The following CARM1 variants were observed in gnomAD, a reference collection of about 807,000 sequenced individuals.
The protein encoded by CARM1 is histone-arginine methyltransferase CARM1.
Under a neutral mutation model 72.7 loss-of-function variants are expected in CARM1, and 14 were observed. The ratio of observed to expected loss-of-function variants is 0.19; its 90% CI spans 0.13 to 0.30. The LOEUF (loss-of-function observed/expected upper bound fraction) is 0.30. Among genes scored for constraint, CARM1 ranks in the 10% least tolerant of loss-of-function variants. The pLI, the probability that CARM1 is intolerant of heterozygous loss-of-function variation, is 1.00. For missense variants in CARM1, 432 were observed against 833.7 expected, an observed-to-expected ratio of 0.52 and a Z score of 5.93; for synonymous variants, 333 against 345.5, an observed-to-expected ratio of 0.96 and a Z score of 0.40.
chr19:10,920,636 C>T lies in CARM1; in HGVS notation c.1335-23C>T. The T allele has an allele frequency of 6.2e-7, 1 of 1,614,118 alleles. No homozygotes were observed. Among genetic ancestry groups the T allele is most frequent in the Non-Finnish European group, 8.5e-7 (1 of 1,179,994 alleles). On this transcript the variant is annotated intron_variant, in intron 11 of 15. Transcript: ENST00000327064. The surrounding 1 kb of genome is among the most constrained non-coding windows in gnomAD (Gnocchi z 5.3). ...GGTCCATCTGCCCAGCAGCTCATGC[C>T]ACGGCCTGCACCCTGTCCGCAGACA...
chr19:10,903,011 G>T (rs1217173957), intron 1 of CARM1, among the ~76,000 whole-genome samples: 1 of 152,042 alleles, frequency 6.6e-6, no homozygotes, highest in Non-Finnish European at 1.5e-5. Context: ...TTAGGTCATT[G>T]CTCCATTTGA....
chr19:10,881,516 C>G (rs370174889), intron 1 of CARM1, among the ~76,000 whole-genome samples: 1 of 152,118 alleles, frequency 6.6e-6, no homozygotes, highest in African/African-American at 2.4e-5. Context: ...GCAGCAAGGT[C>G]AGATGCCGTG....
chr19:10,908,607 T>C (rs2074122066), intron 3 of CARM1: 1 of 194,432 alleles, frequency 5.1e-6, no homozygotes, highest in South Asian at 8.4e-5. Context: ...CACAGCTATA[T>C]GCAACAGAGC....
intron 6 of CARM1, among the ~76,000 whole-genome samples, chr19:10,914,342 T>A (rs1208906765): frequency 6.6e-6 from 1 of 152,206 alleles, no homozygotes; most frequent in Non-Finnish European, 1.5e-5. Context: ...GGACAGCCTC[T>A]GGCTGGGAGT....
In CARM1 at chr19:10,920,819, C is replaced by T. The variant is rs750138924; in HGVS notation, c.1425-15C>T. On this transcript the variant is annotated splice_polypyrimidine_tract_variant and intron_variant, in intron 12 of 15. Coordinates refer to ENST00000327064, the MANE Select transcript of CARM1 (RefSeq NM_199141.2). This position sits in a 1 kb window ranked among gnomAD's most constrained non-coding sequence, Gnocchi z 5.3. The stretch of plus-strand genomic sequence containing the variant: ...AACCCCCTTGCCCCTGCCCATGGCT[C>T]TGTCTCTGCCATAGATACACGGGCA... The T allele has an allele frequency of 7.4e-6, 12 of 1,613,986 alleles. No individual in the cohort carries two copies. The highest frequency in any genetic ancestry group is 1.0e-5 in the Non-Finnish European group (12 of 1,179,804).
At chr19:10,909,455 G>T (rs1210486783) in intron 4 of CARM1, among the ~76,000 whole-genome samples, 1 of 148,546 alleles carries the variant, frequency 6.7e-6, no homozygotes, top group East Asian at 2.0e-4. Context: ...AATAAACAAG[G>T]CCAGGCGCGG....
At chr19:10,882,729 A>T (rs2073911485) in intron 1 of CARM1, among the ~76,000 whole-genome samples, 1 of 151,696 alleles carries the variant, frequency 6.6e-6, no homozygotes, top group African/African-American at 2.4e-5. Context: ...TTTAGTAGAG[A>T]CGGGGTTTCA....
In CARM1 at chr19:10,879,862, G is replaced by C. The variant is rs1336381625; in HGVS notation, c.220+7940G>C. Among the ~76,000 whole-genome samples the C allele has an allele frequency of 5.9e-5, 9 of 152,266 alleles. No homozygotes were observed. In the East Asian group the frequency reaches 1.7e-3, roughly 29 times the overall value. On this transcript the variant is annotated intron_variant, in intron 1 of 15. Coordinates refer to ENST00000327064, the MANE Select transcript of CARM1 (RefSeq NM_199141.2). ...ACTCCTGACCTCAAGTGATCCATCT[G>C]CCTTGGCCTCCCAAAGTCCTAGGAT...
intron 1 of CARM1, among the ~76,000 whole-genome samples, chr19:10,897,269 GA>G (rs2074031263): frequency 6.6e-6 from 1 of 152,184 alleles, no homozygotes; most frequent in African/African-American, 2.4e-5. Flanking sequence ...TCCCAGAAGT[GA>G]TGAGAAGAGG....
intron 1 of CARM1, among the ~76,000 whole-genome samples, chr19:10,880,587 C>G (rs2073895103): frequency 6.7e-6 from 1 of 149,592 alleles, no homozygotes; most frequent in Admixed American, 6.7e-5. Context: ...CTCCTGGGCT[C>G]AAGCGATTCT....
intron 1 of CARM1, among the ~76,000 whole-genome samples, chr19:10,887,324 C>T (rs1658943104): frequency 6.6e-6 from 1 of 152,248 alleles, no homozygotes; most frequent in African/African-American, 2.4e-5. Flanking sequence ...GTCCCGTCTC[C>T]CCTGGTTCCT....
rs534802737 is a variant in CARM1, at chr19:10,872,050, G to T, written c.220+128G>T. 17 of 801,564 alleles carry T rather than the reference G, an allele frequency of 2.1e-5. No homozygotes were observed. The African/African-American group carries it at 2.9e-4, about 14-fold the overall frequency. 49.7% of individuals were successfully genotyped at this position (801,564 alleles called of 1,614,324 possible). ...TGGGGTCCCCGGGACTGAGCCGGTGGCCTGCAGGGAGCGACCGTGGAGGGC... is the reference window on the plus strand; with the variant it reads ...TGGGGTCCCCGGGACTGAGCCGGTGTCCTGCAGGGAGCGACCGTGGAGGGC... On this transcript the variant is annotated intron_variant, in intron 1 of 15. Transcript: ENST00000327064.
At chr19:10,883,417 C>T (rs972362418) in intron 1 of CARM1, among the ~76,000 whole-genome samples, 1 of 152,190 alleles carries the variant, frequency 6.6e-6, no homozygotes, top group African/African-American at 2.4e-5. Flanking sequence ...TTCTCCGGCA[C>T]CCTCTGGATC....
Position 10,912,222 on chromosome 19 carries a change from G to T in CARM1, c.597G>T (p.Ser199=). 1 of 1,614,124 alleles carries T rather than the reference G, an allele frequency of 6.2e-7. No homozygotes were observed. Residue 199 remains serine, a synonymous_variant, in exon 5 of 16, where the codon TCG becomes TCT. Transcript: ENST00000327064. This position sits in a 1 kb window ranked among gnomAD's most constrained non-coding sequence, Gnocchi z 4.5. ...LDVGCGSGIL[S]FFAAQAGARK... ...TTGGCTGTGGCTCTGGGATCCTGTC[G>T]TTTTTTGCCGCCCAAGCTGGAGCAC...
chr19:10,901,609 G>A (rs1266313273), intron 1 of CARM1, among the ~76,000 whole-genome samples: 1 of 152,108 alleles, frequency 6.6e-6, no homozygotes, highest in Non-Finnish European at 1.5e-5. Context: ...ACAGGCATGA[G>A]CCTGTGCCTG....
intron 9 of CARM1, 46 bp from the exon 10 acceptor site, chr19:10,919,831 A>G (rs1397727759): frequency 6.5e-7 from 1 of 1,546,846 alleles, no homozygotes; most frequent in Admixed American, 1.7e-5. Flanking sequence ...CTCTCTCGGC[A>G]GCGCCTGTCT....
In CARM1 at chr19:10,912,743, TGGGGTCGCC is replaced by T. The variant is rs2074162440; in HGVS notation, c.669+457_669+465del. Among the ~76,000 whole-genome samples the T allele has an allele frequency of 6.6e-6, 1 of 152,074 alleles. No individual in the cohort carries two copies. Reference sequence around the variant, plus strand: ...CCCTGCTCTGCCTCTCCCATGGATCTGGGGTCGCCGGGGTCGTGGAGGGGCCATCTTTGT... The same window carrying T: ...CCCTGCTCTGCCTCTCCCATGGATCTGGGGTCGTGGAGGGGCCATCTTTGT... On this transcript the variant is annotated intron_variant, in intron 5 of 15. Coordinates refer to ENST00000327064, the MANE Select transcript of CARM1 (RefSeq NM_199141.2). The surrounding 1 kb of genome is among the most constrained non-coding windows in gnomAD (Gnocchi z 4.5).
chr19:10,911,662 T>G (rs147910398), intron 4 of CARM1, among the ~76,000 whole-genome samples: 1 of 152,112 alleles, frequency 6.6e-6, no homozygotes, highest in African/African-American at 2.4e-5. Flanking sequence ...CCAGAACAGG[T>G]GGTGTGTTCT....
chr19:10,895,607 G>C (rs560464502), intron 1 of CARM1, among the ~76,000 whole-genome samples: 2 of 152,194 alleles, frequency 1.3e-5, no homozygotes, highest in African/African-American at 4.8e-5. Context: ...AAGGCCATGC[G>C]CACAGTGAGG....
Sources: allele counts gnomAD v4.1 joint callset (sites outside exome capture counted in the v4.1 genomes callset), GRCh38; gene constraint gnomAD v4.1.1; non-coding constraint Gnocchi (gnomAD v3.1); transcripts MANE v1.5; gene names NCBI Gene and HGNC (gene_info 2026-07-23, HGNC 2026-07-21).